Variants in MLPH observed in about 807,000 individuals in gnomAD.
The protein encoded by MLPH is exophilin-3.
Under a neutral mutation model 72.1 loss-of-function variants are expected in MLPH, and 51 were observed. The observed-to-expected ratio is 0.71, with a 90% CI of 0.56 to 0.89. The LOEUF is 0.89. Ranked by LOEUF, MLPH falls within the 40% of genes least tolerant of loss-of-function variation. The pLI is 0.00. For synonymous variants in MLPH, 301 were observed against 310.1 expected, an observed-to-expected ratio of 0.97 and a Z score of 0.31; for missense variants, 743 against 759.9, an observed-to-expected ratio of 0.98 and a Z score of 0.26.
chr2:237,528,911 C>T (rs13395743), intron 8 of MLPH, among the ~76,000 whole-genome samples: 24,308 of 152,134 alleles, frequency 0.16, 2,143 homozygotes, highest in African/African-American at 0.21. Context: ...TTCTGAGGTC[C>T]ATCCATGCTG....
rs896876451 is a variant in MLPH at position 237,511,019 on chromosome 2, C to T, written c.363C>T (p.Tyr121=). The change falls in exon 4 of 16, where the codon TAC becomes TAT. Residue 121 remains tyrosine (Y), a synonymous_variant. Transcript: ENST00000264605. The stretch of plus-strand genomic sequence containing the variant: ...TGAAGATCGGCTCACTGGAGTGGTA[C>T]TATGAGCATGTGAAAGCCCGCTTCA... ...RVVKIGSLEW[Y]YEHVKARFKR... is the part of the protein sequence containing the mutation. 3.1e-6 allele frequency: 5 copies of T among 1,613,780 alleles called. No homozygotes were observed. The highest frequency in any genetic ancestry group is 4.2e-6 in the Non-Finnish European group (5 of 1,179,976).
Position 237,511,052 on chromosome 2 carries a change from C to T in MLPH, c.396C>T (p.Phe132=), listed in dbSNP as rs1208222630. ...ATGTGAAAGCCCGCTTCAAGAGGTT[C>T]GGAAGTGCCAAGGTCATCCGGTCCC... ...YEHVKARFKR[F]GSAKVIRSLH... Residue 132 remains phenylalanine (F), a synonymous_variant, in exon 4 of 16, where the codon TTC becomes TTT. Transcript: ENST00000264605. The T allele has an allele frequency of 1.2e-6, 2 of 1,613,918 alleles. No individual in the cohort carries two copies. The highest frequency in any genetic ancestry group is 1.7e-5 in the Admixed American group (1 of 60,014).
intron 15 of MLPH, 48 bp downstream of exon 15, chr2:237,552,485 C>T (rs75124000): frequency 1.3e-4 from 197 of 1,484,428 alleles, no homozygotes; most frequent in African/African-American, 1.1e-3. Flanking sequence ...TTCAGTGACC[C>T]GTCAGATTTA....
chr2:237,527,500 C>T lies in MLPH; in HGVS notation c.1004C>T (p.Ala335Val), dbSNP rs768434630. The change falls in exon 8 of 16, where the codon GCG becomes GTG. Residue 335 changes from alanine to valine, a missense_variant. Transcript: ENST00000264605. Reference sequence around the variant, plus strand: ...CACCATTCCAAGCGGAGAGGCCGGGCGTCTTCTGAGAGTCAGGTAACGGTG... The same window carrying T: ...CACCATTCCAAGCGGAGAGGCCGGGTGTCTTCTGAGAGTCAGGTAACGGTG... The part of the protein sequence containing the change: ...ASHHSKRRGR[A>V]SSESQIFELN... 6.8e-6 allele frequency: 11 copies of T among 1,614,030 alleles called. No homozygotes were observed. Among genetic ancestry groups the T allele is most frequent in the East Asian group, 4.5e-5 (2 of 44,898 alleles).
At chr2:237,545,374 G>A (rs2106403659) in intron 12 of MLPH, 2 of 1,127,862 alleles carry the variant, frequency 1.8e-6, no homozygotes, top group Non-Finnish European at 2.3e-6. Context: ...CATCCGGCCT[G>A]AGTTTCCTCA....
At chr2:237,535,405 G>T (rs1296852192) in intron 9 of MLPH, among the ~76,000 whole-genome samples, 1 of 151,940 alleles carries the variant, frequency 6.6e-6, no homozygotes, top group South Asian at 2.1e-4. Flanking sequence ...AACTTTAGGG[G>T]ACACAGTCAA....
At chr2:237,533,115 A>G (rs2080456647) in intron 8 of MLPH, among the ~76,000 whole-genome samples, 1 of 152,218 alleles carries the variant, frequency 6.6e-6, no homozygotes, top group East Asian at 1.9e-4. Flanking sequence ...CCCTAAGAAA[A>G]GCAACCTTCT....
Position 237,505,012 on chromosome 2 carries a change from T to C in MLPH, c.111-5562T>C, listed in dbSNP as rs2079735345. Among the ~76,000 whole-genome samples, 1 of 152,182 alleles carries C rather than the reference T, an allele frequency of 6.6e-6. No individual in the cohort carries two copies. Among genetic ancestry groups the C allele is most frequent in the South Asian group, 2.1e-4 (1 of 4,826 alleles). The stretch of plus-strand genomic sequence containing the variant: ...CTCTGCTCACTTACCGGGTCTCTGT[T>C]CCTGGCTCAGCTTCTCTTCCAGAGC... On this transcript the variant is annotated intron_variant, in intron 2 of 15. Coordinates refer to ENST00000264605, the MANE Select transcript of MLPH (RefSeq NM_024101.7). The surrounding 1 kb of genome is among the most constrained non-coding windows in gnomAD (Gnocchi z 4.5).
Position 237,525,751 on chromosome 2 carries a change from C to T in MLPH, c.826C>T (p.Leu276Phe), listed in dbSNP as rs762955454. 5.0e-6 allele frequency: 8 copies of T among 1,613,938 alleles called. No homozygotes were observed. Among genetic ancestry groups the T allele is most frequent in the Admixed American group, 1.7e-5 (1 of 60,032 alleles). Residue 276 changes from leucine to phenylalanine, a missense_variant, in exon 7 of 16, where the codon CTC (leucine) becomes TTC (phenylalanine). Transcript: ENST00000264605. ...SPSRHGALAE[L>F]CPPGGSHRMA... ...TTCCAGACACGGCGCCCTGGCTGAG[C>T]TCTGCCCGCCTGGAGGCTCCCACAG... is the stretch of plus-strand genomic sequence containing the variant.
rs1316678054 is a variant in MLPH, at chr2:237,505,700, T to C, written c.111-4874T>C. Among the ~76,000 whole-genome samples, 4 of 152,172 alleles carry C rather than the reference T, an allele frequency of 2.6e-5. No homozygotes were observed. The highest frequency in any genetic ancestry group is 4.4e-5 in the Non-Finnish European group (3 of 68,016). ...CACCAATCCTGTCCAGACCCCATCA[T>C]AGGAGCGGCCTTTCCTTCCTGTTCC... On this transcript the variant is annotated intron_variant, in intron 2 of 15. Transcript: ENST00000264605. The surrounding 1 kb of genome is among the most constrained non-coding windows in gnomAD (Gnocchi z 4.5).
chr2:237,550,084 G>A (rs545053705), intron 14 of MLPH, among the ~76,000 whole-genome samples: 24 of 152,308 alleles, frequency 1.6e-4, no homozygotes, highest in African/African-American at 5.1e-4. Flanking sequence ...CTTCCCGTGC[G>A]TAGGACAACG....
At chr2:237,516,830 A>T (rs60077229) in intron 4 of MLPH, among the ~76,000 whole-genome samples, 49 of 115,166 alleles carry the variant, frequency 4.3e-4, no homozygotes, top group East Asian at 7.7e-4. Context: ...GATGGATGGT[A>T]GGATGGATGG....
At chr2:237,494,830 C>G (rs184241445) in intron 2 of MLPH, among the ~76,000 whole-genome samples, 1 of 152,286 alleles carries the variant, frequency 6.6e-6, no homozygotes, top group Admixed American at 6.5e-5. Flanking sequence ...AAAGGTGAAG[C>G]TTCATATGGT....
rs75576106 is a variant in MLPH at position 237,540,452 on chromosome 2, C to G, written c.1209C>G (p.Ser403=). ...TSNVSDQETS[S]EEEEAKDEKA... ...ACGTCAGTGACCAGGAGACCTCGTC[C>G]GAGGAGGAGGAAGCCAAGGACGAAA... The change falls in exon 10 of 16, where the codon TCC becomes TCG. Residue 403 remains serine (S), a synonymous_variant. Coordinates refer to ENST00000264605, the MANE Select transcript of MLPH (RefSeq NM_024101.7). 6.2e-6 allele frequency: 10 copies of G among 1,612,722 alleles called. No homozygotes were observed. The East Asian group carries it at 2.0e-4, about 32-fold the overall frequency.
intron 2 of MLPH, among the ~76,000 whole-genome samples, chr2:237,508,749 T>C (rs1386971379): frequency 1.3e-5 from 2 of 152,200 alleles, no homozygotes; most frequent in Non-Finnish European, 2.9e-5. Flanking sequence ...GCCATCTCTG[T>C]CTTAACCAGT....
intron 2 of MLPH, among the ~76,000 whole-genome samples, chr2:237,496,409 G>A (rs984380818): frequency 1.3e-5 from 2 of 152,122 alleles, no homozygotes; most frequent in Non-Finnish European, 2.9e-5. Context: ...TTTCCTGTCT[G>A]TGGCTCACCC....
In MLPH at chr2:237,505,124, G is replaced by A. The variant is rs903805629; in HGVS notation, c.111-5450G>A. ...TGGGAGAAAGGCTCATGACCCTCCC[G>A]GTGGCCAGGTTGATGGGGTCTGGAC... On this transcript the variant is annotated intron_variant, in intron 2 of 15. Transcript: ENST00000264605. The surrounding 1 kb of genome is among the most constrained non-coding windows in gnomAD (Gnocchi z 4.5). Among the ~76,000 whole-genome samples the A allele has an allele frequency of 7.9e-5, 12 of 152,138 alleles. No individual in the cohort carries two copies. The highest frequency in any genetic ancestry group is 1.6e-4 in the Non-Finnish European group (11 of 68,020).
rs1488315312 is a variant in MLPH, at chr2:237,541,001, G to T, written c.1446+44G>T. 1 of 1,570,366 alleles carries T rather than the reference G, an allele frequency of 6.4e-7. No homozygotes were observed. Among genetic ancestry groups the T allele is most frequent in the Admixed American group, 1.9e-5 (1 of 52,666 alleles). ...GGGAGCACTGAGTTCCACAAACACA[G>T]ATGGTGACCACACCCAGGCCTTGAA... On this transcript the variant is annotated intron_variant, in intron 11 of 15. Transcript: ENST00000264605. This position sits in a 1 kb window ranked among gnomAD's most constrained non-coding sequence, Gnocchi z 5.1.
chr2:237,511,147 A>G, intron 4 of MLPH, 46 bp downstream of exon 4: 1 of 1,481,358 alleles, frequency 6.8e-7, no homozygotes, highest in Non-Finnish European at 9.4e-7. Context: ...CAGGCATTTT[A>G]GGAATATTAA....
Sources: allele counts gnomAD v4.1 joint callset (sites outside exome capture counted in the v4.1 genomes callset), GRCh38; gene constraint gnomAD v4.1.1; non-coding constraint Gnocchi (gnomAD v3.1); transcripts MANE v1.5; gene names NCBI Gene and HGNC (gene_info 2026-07-23, HGNC 2026-07-21).